Variants in CHD9 observed in about 807,000 individuals in gnomAD.
CHD9 encodes ATP-dependent chromatin remodeler CHD9.
In CHD9, 77 loss-of-function variants were observed where a neutral mutation model predicts 316.1. The observed-to-expected ratio is 0.24, with a 90% CI of 0.20 to 0.29. CHD9 has a LOEUF of 0.29. Ranked by LOEUF, CHD9 falls within the 10% of genes least tolerant of loss-of-function variation. The probability of loss-of-function intolerance (pLI) is 1.00; values close to 1 mark genes in which losing one functional copy is unlikely to be tolerated. For synonymous variants in CHD9, 1,129 were observed against 1,158.3 expected, an observed-to-expected ratio of 0.97 and a Z score of 0.51; for missense variants, 2,763 against 3,438.1, an observed-to-expected ratio of 0.80 and a Z score of 4.91.
At chr16:53,293,112 C>A in intron 29 of CHD9, 60 bp downstream of exon 29, 1 of 1,406,174 alleles carries the variant, frequency 7.1e-7, no homozygotes, top group Non-Finnish European at 9.8e-7. Context: ...CATTCTAAAG[C>A]CTGTCTGGGT....
At chr16:53,134,535 A>G (rs1054889140) in intron 1 of CHD9, among the ~76,000 whole-genome samples, 4 of 152,156 alleles carry the variant, frequency 2.6e-5, no homozygotes, top group East Asian at 1.9e-4. Context: ...CACCTTGTGA[A>G]TAAAATCGTA....
At chr16:53,119,560 T>C (rs1981778) in intron 1 of CHD9, among the ~76,000 whole-genome samples, 103,850 of 152,092 alleles carry the variant, frequency 0.68, 36,094 homozygotes, top group African/African-American at 0.78. Context: ...CATCTGGGCA[T>C]GGTGGCTCAC....
In CHD9 at chr16:53,245,323, T is replaced by C; in HGVS notation, c.3055-13T>C. On this transcript the variant is annotated splice_polypyrimidine_tract_variant and intron_variant, in intron 13 of 38. Transcript: ENST00000447540. This position sits in a 1 kb window ranked among gnomAD's most constrained non-coding sequence, Gnocchi z 4.1. The stretch of plus-strand genomic sequence containing the variant: ...CTGTGATGTTTGATGTGAATTGTTC[T>C]CACTTTTTGTAGGAACACAAGGTGC... The C allele has an allele frequency of 6.7e-7, 1 of 1,502,006 alleles. No homozygotes were observed. The highest frequency in any genetic ancestry group is 8.9e-7 in the Non-Finnish European group (1 of 1,128,082). The allele number at this position is 1,502,006 out of a possible 1,614,324, so 93.0% of individuals were successfully genotyped here.
intron 27 of CHD9, among the ~76,000 whole-genome samples, chr16:53,290,403 T>C (rs1305663583): frequency 6.6e-6 from 1 of 152,174 alleles, no homozygotes; most frequent in South Asian, 2.1e-4. Flanking sequence ...TCTGGTTTGC[T>C]GTACTAACAA....
chr16:53,322,000 C>CTTTTTT (rs61037497), intron 38 of CHD9, among the ~76,000 whole-genome samples: 2 of 132,228 alleles, frequency 1.5e-5, no homozygotes, highest in Non-Finnish European at 3.2e-5. Context: ...TTTTCTTTTT[C>CTTTTTT]TTTTTTTTTT....
At chr16:53,272,906 T>A (rs957692981) in intron 22 of CHD9, among the ~76,000 whole-genome samples, 10 of 152,118 alleles carry the variant, frequency 6.6e-5, no homozygotes, top group African/African-American at 2.4e-4. Context: ...CTGGCCAACA[T>A]GGTGAAACCC....
At chr16:53,232,840 A>G (rs1202987499) in intron 10 of CHD9, among the ~76,000 whole-genome samples, 4 of 152,232 alleles carry the variant, frequency 2.6e-5, no homozygotes. Context: ...TTCAATAACC[A>G]GTCCTGTTCT....
intron 1 of CHD9, among the ~76,000 whole-genome samples, chr16:53,095,153 T>C (rs1027496824): frequency 3.3e-5 from 5 of 152,198 alleles, no homozygotes; most frequent in African/African-American, 1.2e-4. Flanking sequence ...CTATTCTGAA[T>C]ATTGAGTTCA....
At chr16:53,104,119 G>A (rs1347185356) in intron 1 of CHD9, among the ~76,000 whole-genome samples, 2 of 152,170 alleles carry the variant, frequency 1.3e-5, no homozygotes, top group Admixed American at 6.5e-5. Context: ...TAAAATCTAA[G>A]CTTTGACTGC....
At chr16:53,207,799 AT>A (rs1469844638) in intron 2 of CHD9, among the ~76,000 whole-genome samples, 1 of 151,460 alleles carries the variant, frequency 6.6e-6, no homozygotes, top group Non-Finnish European at 1.5e-5. Flanking sequence ...TTTTTTTTTA[AT>A]CAGATTTTTA....
chr16:53,306,112 T>G lies in CHD9; in HGVS notation c.6620-125T>G, dbSNP rs1027920485. On this transcript the variant is annotated intron_variant, in intron 31 of 38. Coordinates refer to ENST00000447540, the MANE Select transcript of CHD9 (RefSeq NM_001308319.2). ...ATTCTAGGTGATTTTTTCTCTTTTTTTATCATTTGTTTTTACTTCTAACAT... is the reference window on the plus strand; with the variant it reads ...ATTCTAGGTGATTTTTTCTCTTTTTGTATCATTTGTTTTTACTTCTAACAT... 5.6e-6 allele frequency: 3 copies of G among 533,912 alleles called. No individual in the cohort carries two copies. In the African/African-American group the frequency reaches 5.9e-5, roughly 11 times the overall value. 33.1% of individuals were successfully genotyped at this position (533,912 alleles called of 1,614,324 possible).
At chr16:53,314,603 A>G in intron 35 of CHD9, 87 bp downstream of exon 35, 1 of 1,165,682 alleles carries the variant, frequency 8.6e-7, no homozygotes, top group South Asian at 1.7e-5. Flanking sequence ...TGAATGTTTT[A>G]TAGACTATTA....
rs537291883 is a variant in CHD9, at chr16:53,123,953, T to C, written c.-164-31973T>C. Among the ~76,000 whole-genome samples the C allele has an allele frequency of 1.2e-3, 184 of 152,340 alleles. 1 individual carries two copies. The highest frequency in any genetic ancestry group is 4.3e-3 in the African/African-American group (179 of 41,584). On this transcript the variant is annotated intron_variant, in intron 1 of 38. Transcript: ENST00000447540. ...TACTTAATCTTTTTTTATGGCTGAA[T>C]AACATTCCAGTTTGTGTATATGCCA...
At chr16:53,274,945 G>A (rs768654457) in intron 24 of CHD9, among the ~76,000 whole-genome samples, 3 of 152,080 alleles carry the variant, frequency 2.0e-5, no homozygotes, top group African/African-American at 4.8e-5. Context: ...AAGTCACAAC[G>A]TAACAATAGT....
intron 1 of CHD9, among the ~76,000 whole-genome samples, chr16:53,063,869 C>T (rs2033229425): frequency 1.4e-5 from 2 of 147,076 alleles, no homozygotes; most frequent in South Asian, 4.4e-4. Flanking sequence ...GGATCTCACT[C>T]TGTTGCCTAG....
chr16:53,134,194 C>T (rs1000736787), intron 1 of CHD9, among the ~76,000 whole-genome samples: 1 of 152,060 alleles, frequency 6.6e-6, no homozygotes, highest in Non-Finnish European at 1.5e-5. Flanking sequence ...GGCAGTTGGT[C>T]AGAGTAAAAA....
chr16:53,182,602 A>G (rs1193468461), intron 2 of CHD9, among the ~76,000 whole-genome samples: 1 of 152,158 alleles, frequency 6.6e-6, no homozygotes, highest in Non-Finnish European at 1.5e-5. Context: ...TTTCAATAGT[A>G]TGTTTGAGTT....
chr16:53,104,704 C>T (rs1398533467), intron 1 of CHD9, among the ~76,000 whole-genome samples: 6 of 150,986 alleles, frequency 4.0e-5, no homozygotes, highest in Non-Finnish European at 4.4e-5. Context: ...CCCAGCTACT[C>T]GGGAGGCTGA....
At chr16:53,280,802 T>C (rs963707303) in intron 24 of CHD9, among the ~76,000 whole-genome samples, 2 of 152,212 alleles carry the variant, frequency 1.3e-5, no homozygotes, top group East Asian at 1.9e-4. Context: ...TTGCATTTTC[T>C]ATTTAACCCA....
Sources: gnomAD v4.1 joint callset for allele counts (sites outside exome capture counted in the v4.1 genomes callset) on GRCh38, gnomAD v4.1.1 for gene constraint, Gnocchi (gnomAD v3.1) non-coding constraint, MANE v1.5 for transcripts, NCBI Gene and HGNC (gene_info 2026-07-23, HGNC 2026-07-21) for gene names.